ACAP2: variants seen among roughly 807,000 people sequenced by gnomAD.
ACAP2 encodes ArfGAP with coiled-coil, ankyrin repeat and PH domains 2, also known as arf-GAP with coiled-coil, ANK repeat and PH domain-containing protein 2.
A neutral mutation model predicts 115.8 loss-of-function variants in ACAP2; 39 were observed. The ratio of observed to expected loss-of-function variants is 0.34; its 90% CI spans 0.26 to 0.44. The LOEUF (loss-of-function observed/expected upper bound fraction) is 0.44. ACAP2 is among the 20% of genes least tolerant of loss of function. ACAP2 has a pLI of 1.00. For synonymous variants in ACAP2, 289 were observed against 315.8 expected, an observed-to-expected ratio of 0.92 and a Z score of 0.90; for missense variants, 662 against 927.6, an observed-to-expected ratio of 0.71 and a Z score of 3.72.
chr3:195,430,632 T>C (rs1405624692), intron 1 of ACAP2, among the ~76,000 whole-genome samples: 1 of 152,080 alleles, frequency 6.6e-6, no homozygotes, highest in Non-Finnish European at 1.5e-5. Flanking sequence ...GGAGAATCAC[T>C]TGAACCCGGG....
intron 20 of ACAP2, among the ~76,000 whole-genome samples, chr3:195,289,863 T>C (rs1727126374): frequency 6.9e-6 from 1 of 145,350 alleles, no homozygotes; most frequent in African/African-American, 2.5e-5. Flanking sequence ...TAAACCTAAA[T>C]GAAAAAAAGA....
At chr3:195,354,688 T>C (rs536706448) in intron 4 of ACAP2, among the ~76,000 whole-genome samples, 1 of 152,344 alleles carries the variant, frequency 6.6e-6, no homozygotes, top group African/African-American at 2.4e-5. Flanking sequence ...ATCCCATTTG[T>C]CAATTTTTGC....
At chr3:195,332,002 C>G (rs1577313661) in intron 8 of ACAP2, among the ~76,000 whole-genome samples, 1 of 151,672 alleles carries the variant, frequency 6.6e-6, no homozygotes, top group Non-Finnish European at 1.5e-5. Flanking sequence ...GGCATGGTGG[C>G]GGGCACCTGT....
intron 15 of ACAP2, among the ~76,000 whole-genome samples, chr3:195,299,757 G>A (rs988597598): frequency 6.6e-6 from 1 of 150,536 alleles, no homozygotes; most frequent in African/African-American, 2.4e-5. Context: ...AGAATGGTGT[G>A]AACCCAGGAG....
intron 14 of ACAP2, 129 bp from the exon 15 acceptor site, chr3:195,301,773 T>C: frequency 9.0e-7 from 1 of 1,113,756 alleles, no homozygotes; most frequent in Non-Finnish European, 1.3e-6. Context: ...ATCTTCTGTT[T>C]AATAATGAAT....
rs1402409581 is a variant in ACAP2 at position 195,325,112 on chromosome 3, CT to C, written c.744+1772del. ...ATCAAATGGGCCAAAATCTGAAAGT[CT>C]CATAATATAATGAGCTGGCAAATAG... On this transcript the variant is annotated intron_variant, in intron 9 of 22. Coordinates refer to ENST00000326793, the MANE Select transcript of ACAP2 (RefSeq NM_012287.6). 4.1e-4 allele frequency among the ~76,000 whole-genome samples: 62 copies of C among 152,256 alleles called. No homozygotes were observed. In the Middle Eastern group the frequency reaches 0.017, roughly 42 times the overall value.
At chr3:195,328,817 C>T (rs1209924845) in intron 8 of ACAP2, among the ~76,000 whole-genome samples, 1 of 152,266 alleles carries the variant, frequency 6.6e-6, no homozygotes, top group East Asian at 1.9e-4. Flanking sequence ...TGGCGGCTCA[C>T]GCCTGTAATC....
At chr3:195,330,584 C>A (rs140003573) in intron 8 of ACAP2, among the ~76,000 whole-genome samples, 27 of 152,260 alleles carry the variant, frequency 1.8e-4, no homozygotes, top group Non-Finnish European at 2.8e-4. Context: ...GAAGGTCTCT[C>A]CTTACCCCCA....
chr3:195,437,191 C>T (rs1192730627), intron 1 of ACAP2, among the ~76,000 whole-genome samples: 4 of 150,436 alleles, frequency 2.7e-5, no homozygotes, highest in South Asian at 2.1e-4. Context: ...GGACTACAGG[C>T]GTGGGCCACA....
chr3:195,383,653 T>A (rs1326693038), intron 2 of ACAP2, among the ~76,000 whole-genome samples: 2 of 149,444 alleles, frequency 1.3e-5, no homozygotes, highest in Admixed American at 6.7e-5. Flanking sequence ...AACTGATCAA[T>A]CCAATTACAT....
At position 195,434,884 on chromosome 3, in the gene ACAP2, C is replaced by T. The variant is rs181536159; in HGVS notation, c.53+7911G>A. Among the ~76,000 whole-genome samples the T allele has an allele frequency of 1.8e-4, 28 of 152,102 alleles. 1 individual carries two copies. The highest frequency in any genetic ancestry group is 1.8e-3 in the Admixed American group (28 of 15,276). ...TGTCATCAATTATCTGTAGTATTTC[C>T]TCATAATCCTTTTTATTTCTGTAAA... On this transcript the variant is annotated intron_variant, in intron 1 of 22. Coordinates refer to ENST00000326793, the MANE Select transcript of ACAP2 (RefSeq NM_012287.6).
At chr3:195,399,026 T>G (rs527896261) in intron 1 of ACAP2, among the ~76,000 whole-genome samples, 1 of 152,352 alleles carries the variant, frequency 6.6e-6, no homozygotes, top group African/African-American at 2.4e-5. Flanking sequence ...AAAGGAAAGC[T>G]ATTGGGTTGG....
intron 1 of ACAP2, among the ~76,000 whole-genome samples, chr3:195,437,814 CAAAAA>C: frequency 2.7e-5 from 1 of 36,396 alleles, no homozygotes; most frequent in Admixed American, 3.2e-4. Context: ...GACTCTGTCT[CAAAAA>C]AAAAAAAAAA....
intron 4 of ACAP2, chr3:195,357,699 C>G (rs1732071813): frequency 6.6e-6 from 1 of 152,176 alleles, no homozygotes; most frequent in African/African-American, 2.4e-5. Context: ...ACCTGGTAAT[C>G]CAGAGAATTC....
Position 195,275,195 on chromosome 3 carries a change from T to C in ACAP2, c.*4133A>G, listed in dbSNP as rs1726148074. 6.6e-6 allele frequency: 1 copy of C among 152,450 alleles called. No homozygotes were observed. 9.4% of individuals were successfully genotyped at this position (152,450 alleles called of 1,614,324 possible). ...GGAGGGTGGGGAGGTTGAAGAAAAA[T>C]AAGAAAAGTTAGCAAATAAGATAGT... is the stretch of plus-strand genomic sequence containing the variant. On this transcript the variant is annotated 3_prime_UTR_variant, in exon 23 of 23. Coordinates refer to ENST00000326793, the MANE Select transcript of ACAP2 (RefSeq NM_012287.6).
At chr3:195,412,506 G>A (rs185007047) in intron 1 of ACAP2, among the ~76,000 whole-genome samples, 2 of 152,086 alleles carry the variant, frequency 1.3e-5, no homozygotes, top group African/African-American at 2.4e-5. Flanking sequence ...CAGCTACTCA[G>A]GAGGCTGAGG....
chr3:195,431,342 G>A (rs1715105948), intron 1 of ACAP2, among the ~76,000 whole-genome samples: 4 of 152,084 alleles, frequency 2.6e-5, no homozygotes, highest in Admixed American at 2.6e-4. Context: ...GAACATCCTT[G>A]TACAAAGTTT....
chr3:195,411,630 A>G (rs1025814615), intron 1 of ACAP2, among the ~76,000 whole-genome samples: 1 of 152,362 alleles, frequency 6.6e-6, no homozygotes, highest in Non-Finnish European at 1.5e-5. Flanking sequence ...AATCTACAAT[A>G]TTTTTCCTCT....
At chr3:195,336,708 C>G in intron 7 of ACAP2, 1 of 525,150 alleles carries the variant, frequency 1.9e-6, no homozygotes. Context: ...TAGAGTCTAC[C>G]TTTATGGACC....
Sources: gnomAD v4.1 joint callset for allele counts (sites outside exome capture counted in the v4.1 genomes callset) on GRCh38, gnomAD v4.1.1 for gene constraint, MANE v1.5 for transcripts, NCBI Gene and HGNC (gene_info 2026-07-23, HGNC 2026-07-21) for gene names.